ARHGEF10: variants seen among roughly 807,000 people sequenced by gnomAD.
The protein encoded by ARHGEF10 is Rho guanine nucleotide exchange factor 10, also known as Rho guanine nucleotide exchange factor (GEF) 10.
ARHGEF10 carries 140 observed loss-of-function variants against 147.4 expected under a neutral mutation model. The ratio of observed to expected loss-of-function variants is 0.95; its 90% CI spans 0.83 to 1.09. ARHGEF10 has a LOEUF of 1.09. Among genes scored for constraint, ARHGEF10 ranks in the 50% least tolerant of loss-of-function variants. The pLI is 0.00. For missense variants in ARHGEF10, 2,222 were observed against 1,752.7 expected (o/e 1.27, Z -4.78); for synonymous variants, 902 against 695.8 (o/e 1.30, Z -4.67).
intron 27 of ARHGEF10, among the ~76,000 whole-genome samples, chr8:1,950,459 G>T (rs1389945671): frequency 6.6e-6 from 1 of 152,238 alleles, no homozygotes; most frequent in South Asian, 2.1e-4. Flanking sequence ...GTCGTTCCTG[G>T]GTACTTTGAA....
chr8:1,843,238 T>C (rs1156698820), intron 1 of ARHGEF10, 115 bp from the exon 2 acceptor site: 1 of 732,574 alleles, frequency 1.4e-6, no homozygotes, highest in African/African-American at 1.7e-5. Flanking sequence ...TAATTATGGC[T>C]AGTAATGACA....
chr8:1,906,021 T>C (rs780042605), intron 17 of ARHGEF10, among the ~76,000 whole-genome samples: 112 of 152,378 alleles, frequency 7.4e-4, no homozygotes, highest in Non-Finnish European at 1.5e-3. Context: ...AGAGTTCTTT[T>C]TCTTATGGTT....
intron 18 of ARHGEF10, among the ~76,000 whole-genome samples, chr8:1,921,822 T>C (rs4598291): frequency 0.79 from 119,987 of 152,002 alleles, 48,053 homozygotes; most frequent in East Asian, 1. Context: ...AGCTCAGGTC[T>C]GTGCGATTCT....
At chr8:1,832,353 GACAGGC>G (rs1803171986) in intron 1 of ARHGEF10, among the ~76,000 whole-genome samples, 1 of 147,154 alleles carries the variant, frequency 6.8e-6, no homozygotes, top group Non-Finnish European at 1.5e-5. Context: ...GAGAGACAGA[GACAGGC>G]AGAGACAGAG....
intron 2 of ARHGEF10, among the ~76,000 whole-genome samples, chr8:1,849,956 TGC>T (rs1804927678): frequency 8.1e-6 from 1 of 123,708 alleles, no homozygotes; most frequent in Non-Finnish European, 1.7e-5. Context: ...AGAGGGCAAA[TGC>T]TGAGGAGGGC....
chr8:1,847,968 C>A (rs1030956251), intron 2 of ARHGEF10, among the ~76,000 whole-genome samples: 2 of 152,196 alleles, frequency 1.3e-5, no homozygotes, highest in Non-Finnish European at 2.9e-5. Context: ...TCTTCATGGA[C>A]TTGGAACAGT....
intron 1 of ARHGEF10, among the ~76,000 whole-genome samples, chr8:1,835,095 A>C (rs4617201): frequency 6.6e-6 from 1 of 152,134 alleles, no homozygotes; most frequent in African/African-American, 2.4e-5. Context: ...GCACTGGGAC[A>C]TCCCACGCTC....
intron 1 of ARHGEF10, among the ~76,000 whole-genome samples, chr8:1,825,414 C>T (rs1210940408): frequency 3.3e-5 from 4 of 119,610 alleles, no homozygotes; most frequent in Non-Finnish European, 6.9e-5. Flanking sequence ...CCCCTGATCC[C>T]CACCTGTCCT....
At chr8:1,918,052 T>TG (rs1811892099) in intron 18 of ARHGEF10, among the ~76,000 whole-genome samples, 1 of 151,944 alleles carries the variant, frequency 6.6e-6, no homozygotes, top group Non-Finnish European at 1.5e-5. Context: ...CCTCCCAAAG[T>TG]GCTGGGATTA....
chr8:1,949,171 C>G (rs1274042567), intron 27 of ARHGEF10, among the ~76,000 whole-genome samples: 3 of 152,170 alleles, frequency 2.0e-5, no homozygotes, highest in African/African-American at 4.8e-5. Flanking sequence ...ATAACTCATG[C>G]CTTTTGTGTA....
At chr8:1,835,795 G>C (rs140257767) in intron 1 of ARHGEF10, among the ~76,000 whole-genome samples, 211 of 152,326 alleles carry the variant, frequency 1.4e-3, no homozygotes, top group Non-Finnish European at 3.8e-4. Context: ...TAGAAGGTGG[G>C]GCTGCGGCCT....
In ARHGEF10 at chr8:1,898,447, CA is replaced by C. The variant is rs756060484; in HGVS notation, c.1573del (p.Ser525AlafsTer10). On this transcript the variant is annotated frameshift_variant, in exon 15 of 29. Transcript: ENST00000349830. LOFTEE classifies it high-confidence loss of function. ...TTCCCCCACAGCAGGAACAGGAGGC[CA>C]GCCCCGATCGAACCACGCTCTACAG... Reference protein sequence around the residue: ...LEFLKQEQEASPDRTTLYSLM... With the variant: ...LEFLKQEQEAXPDRTTLYSLM... The C allele has an allele frequency of 1.2e-6, 2 of 1,614,114 alleles. No homozygotes were observed. Among genetic ancestry groups the C allele is most frequent in the South Asian group, 1.1e-5 (1 of 91,082 alleles).
chr8:1,954,469 C>A (rs1246717201), intron 28 of ARHGEF10, among the ~76,000 whole-genome samples: 3 of 114,740 alleles, frequency 2.6e-5, no homozygotes, highest in Non-Finnish European at 3.7e-5. Context: ...AATATTCCAA[C>A]ATTAAAAAAA....
chr8:1,837,641 A>AG (rs1278635625), intron 1 of ARHGEF10, among the ~76,000 whole-genome samples: 2 of 152,188 alleles, frequency 1.3e-5, no homozygotes, highest in African/African-American at 2.4e-5. Flanking sequence ...CAGACGCGGC[A>AG]GGCGTACAGC....
Position 1,956,933 on chromosome 8 carries a change from T to C in ARHGEF10, c.3705T>C (p.Gly1235=), listed in dbSNP as rs141587375. The change falls in exon 29 of 29, where the codon GGT becomes GGC. Residue 1235 remains glycine (G), a synonymous_variant. Transcript: ENST00000349830. ...GAGCTGGTTCATCTCTGAGCCAGGG[T>C]GACCCTGACGCAGCCATCTGGTTGG... The part of the protein sequence containing the change: ...SGGAGSSLSQ[G]DPDAAIWLGD... 1.2e-3 allele frequency: 1,893 copies of C among 1,614,158 alleles called. 27 individuals carry two copies. In the African/African-American group the frequency reaches 0.022, roughly 19 times the overall value.
Position 1,824,446 on chromosome 8 carries a change from C to T in ARHGEF10, c.-48+333C>T, listed in dbSNP as rs146695317. On this transcript the variant is annotated intron_variant, in intron 1 of 28. Coordinates refer to ENST00000349830, the MANE Select transcript of ARHGEF10 (RefSeq NM_014629.4). ...GGCGAGCTGGCTTCGCCTGGGGGGT[C>T]GTGCAGTAACTTAGATTTTCCGGTA... Among the ~76,000 whole-genome samples the T allele has an allele frequency of 5.3e-3, 806 of 152,014 alleles. 9 individuals carry two copies. The highest frequency in any genetic ancestry group is 0.019 in the African/African-American group (779 of 41,406).
chr8:1,883,002 A>G (rs970491735), intron 10 of ARHGEF10, among the ~76,000 whole-genome samples: 3 of 152,158 alleles, frequency 2.0e-5, no homozygotes, highest in African/African-American at 7.2e-5. Flanking sequence ...CTGGCTGGAC[A>G]TAGGAAGGGC....
intron 1 of ARHGEF10, among the ~76,000 whole-genome samples, chr8:1,840,923 C>T (rs1192249254): frequency 1.3e-5 from 2 of 152,184 alleles, no homozygotes; most frequent in Non-Finnish European, 2.9e-5. Flanking sequence ...GGCACTCGGA[C>T]CCTGTCTTGC....
intron 7 of ARHGEF10, among the ~76,000 whole-genome samples, chr8:1,871,475 C>G (rs979986175): frequency 1.3e-5 from 2 of 151,940 alleles, no homozygotes; most frequent in South Asian, 2.1e-4. Context: ...ATTACATAAA[C>G]TATATGGGAT....
Sources: gnomAD v4.1 joint callset for allele counts (sites outside exome capture counted in the v4.1 genomes callset) on GRCh38, gnomAD v4.1.1 for gene constraint, MANE v1.5 for transcripts, NCBI Gene and HGNC (gene_info 2026-07-23, HGNC 2026-07-21) for gene names.